The following WNT2 variants were observed in gnomAD, a reference collection of about 807,000 sequenced individuals.
WNT2 encodes the protein Wnt family member 2, also known as protein Wnt-2.
A neutral mutation model predicts 36.9 loss-of-function variants in WNT2; 12 were observed. The observed-to-expected ratio is 0.33, with a 90% CI of 0.21 to 0.53. The LOEUF is 0.53. Among genes scored for constraint, WNT2 ranks in the 20% least tolerant of loss-of-function variants. The pLI, the probability that WNT2 is intolerant of heterozygous loss-of-function variation, is 0.95. For missense variants in WNT2, 379 were observed against 473.1 expected (o/e 0.80, Z 1.84); for synonymous variants, 163 against 174.6 (o/e 0.93, Z 0.52).
At position 117,277,610 on chromosome 7, in the gene WNT2, C is replaced by T. The variant is rs928755355; in HGVS notation, c.*545G>A. On this transcript the variant is annotated 3_prime_UTR_variant, in exon 5 of 5. Coordinates refer to ENST00000265441, the MANE Select transcript of WNT2 (RefSeq NM_003391.3). ...AAAGCCATTCTTCTCCAGGTAATTA[C>T]CAATTACCCCTAAGGGTGGTAGCTG... is the stretch of plus-strand genomic sequence containing the variant. 1.3e-5 allele frequency: 2 copies of T among 155,258 alleles called. No individual in the cohort carries two copies. The highest frequency in any genetic ancestry group is 4.8e-5 in the African/African-American group (2 of 41,436). The allele number at this position is 155,258 out of a possible 1,614,324, so 9.6% of individuals were successfully genotyped here.
chr7:117,309,411 G>A (rs1450763450), intron 3 of WNT2, among the ~76,000 whole-genome samples: 2 of 152,002 alleles, frequency 1.3e-5, no homozygotes, highest in Admixed American at 6.6e-5. Flanking sequence ...ATAGTGAGTG[G>A]AACTAGAAAT....
chr7:117,278,354 T>G lies in WNT2; in HGVS notation c.884A>C (p.Asn295Thr), dbSNP rs1415652030. ...GSLGTAGRVC[N>T]LTSRGMDSCE... ...GCTGTCCATGCCCCGGGAAGTCAGG[T>G]TGCACACACGGCCTGCTGTACCCAG... Residue 295 changes from asparagine to threonine, a missense_variant, in exon 5 of 5, where the codon AAC becomes ACC. Transcript: ENST00000265441. 6.2e-7 allele frequency: 1 copy of G among 1,613,788 alleles called. No homozygotes were observed. Among genetic ancestry groups the G allele is most frequent in the African/African-American group, 1.3e-5 (1 of 74,882 alleles).
At chr7:117,289,100 C>T (rs1024184354) in intron 4 of WNT2, among the ~76,000 whole-genome samples, 3 of 121,990 alleles carry the variant, frequency 2.5e-5, no homozygotes, top group Non-Finnish European at 4.7e-5. Context: ...TGCTCTGTTG[C>T]TCAGGCTGGA....
At chr7:117,310,717 T>G (rs899994770) in intron 3 of WNT2, among the ~76,000 whole-genome samples, 1 of 152,096 alleles carries the variant, frequency 6.6e-6, no homozygotes, top group Non-Finnish European at 1.5e-5. Context: ...AACTTTATGA[T>G]ACACTTCCTG....
At chr7:117,321,636 T>G (rs1171207421) in intron 1 of WNT2, among the ~76,000 whole-genome samples, 2 of 152,202 alleles carry the variant, frequency 1.3e-5, no homozygotes, top group Non-Finnish European at 2.9e-5. Flanking sequence ...TTTTCTTGTA[T>G]TTTCATTATT....
rs913464659 is a variant in WNT2, at chr7:117,290,324, C to T, written c.853+7288G>A. On this transcript the variant is annotated intron_variant, in intron 4 of 4. Coordinates refer to ENST00000265441, the MANE Select transcript of WNT2 (RefSeq NM_003391.3). ...CTAGTTATTGGAGCAGGAGGAAAAG[C>T]AGAGGAGTGTAGTTATAAAGTCAAG... Among the ~76,000 whole-genome samples the T allele has an allele frequency of 4.8e-4, 73 of 152,074 alleles. 1 individual carries two copies. Among genetic ancestry groups the T allele is most frequent in the Non-Finnish European group, 1.0e-3 (70 of 68,020 alleles).
At chr7:117,285,947 T>C (rs2116332041) in intron 4 of WNT2, among the ~76,000 whole-genome samples, 1 of 152,294 alleles carries the variant, frequency 6.6e-6, no homozygotes, top group Middle Eastern at 3.4e-3. Flanking sequence ...GTCATCTTTA[T>C]ACCAAACAAT....
chr7:117,280,207 C>T (rs138082281), intron 4 of WNT2, among the ~76,000 whole-genome samples: 42 of 152,250 alleles, frequency 2.8e-4, no homozygotes, highest in Admixed American at 8.5e-4. Context: ...GAGCCTGCAT[C>T]GTGCTGAAGA....
chr7:117,291,846 C>T (rs775972158), intron 4 of WNT2, among the ~76,000 whole-genome samples: 6 of 151,324 alleles, frequency 4.0e-5, no homozygotes, highest in African/African-American at 1.2e-4. Flanking sequence ...GGTGTGATCT[C>T]GGCTCACCAC....
At chr7:117,302,573 A>G (rs1457854551) in intron 3 of WNT2, among the ~76,000 whole-genome samples, 1 of 152,208 alleles carries the variant, frequency 6.6e-6, no homozygotes, top group Non-Finnish European at 1.5e-5. Flanking sequence ...CACTCTGGAA[A>G]CATCTGCACA....
chr7:117,310,820 A>G (rs1184267195), intron 3 of WNT2, among the ~76,000 whole-genome samples: 2 of 151,898 alleles, frequency 1.3e-5, no homozygotes, highest in Admixed American at 1.3e-4. Context: ...CAGCTCAAAC[A>G]CCCAGTTCTT....
chr7:117,314,221 T>A (rs1351623288), intron 3 of WNT2, among the ~76,000 whole-genome samples: 1 of 152,242 alleles, frequency 6.6e-6, no homozygotes, highest in Non-Finnish European at 1.5e-5. Context: ...CACAAAAGCA[T>A]CAAGTACAGC....
At chr7:117,298,094 A>G (rs1335924911) in intron 3 of WNT2, among the ~76,000 whole-genome samples, 1 of 152,164 alleles carries the variant, frequency 6.6e-6, no homozygotes, top group East Asian at 1.9e-4. Flanking sequence ...GGGGAGGGAT[A>G]GCACCTAACT....
Position 117,322,855 on chromosome 7 carries a change from C to G in WNT2, c.83+52G>C. The stretch of plus-strand genomic sequence containing the variant: ...CCAGGAAGGGTCTATGTGGCCAATG[C>G]GGTCCCCATTCCGATCTCCAAAATC... On this transcript the variant is annotated intron_variant, in intron 1 of 4. Coordinates refer to ENST00000265441, the MANE Select transcript of WNT2 (RefSeq NM_003391.3). This position sits in a 1 kb window ranked among gnomAD's most constrained non-coding sequence, Gnocchi z 5.4. 1 of 1,574,550 alleles carries G rather than the reference C, an allele frequency of 6.4e-7. No homozygotes were observed. The highest frequency in any genetic ancestry group is 8.7e-7 in the Non-Finnish European group (1 of 1,148,942).
At chr7:117,313,196 G>C (rs1795154188) in intron 3 of WNT2, among the ~76,000 whole-genome samples, 1 of 152,126 alleles carries the variant, frequency 6.6e-6, no homozygotes, top group Non-Finnish European at 1.5e-5. Flanking sequence ...AGAGACTGGG[G>C]GTCTAATGAC....
At chr7:117,278,827 G>A (rs950356487) in intron 4 of WNT2, among the ~76,000 whole-genome samples, 4 of 152,168 alleles carry the variant, frequency 2.6e-5, no homozygotes, top group African/African-American at 7.2e-5. Flanking sequence ...CTTCAAATTT[G>A]TCAGGGCATG....
At chr7:117,290,771 G>A (rs1442892417) in intron 4 of WNT2, among the ~76,000 whole-genome samples, 1 of 152,196 alleles carries the variant, frequency 6.6e-6, no homozygotes, top group African/African-American at 2.4e-5. Context: ...GGACCATGAA[G>A]TCGATGACAC....
At chr7:117,283,248 C>A (rs937025964) in intron 4 of WNT2, among the ~76,000 whole-genome samples, 5 of 152,086 alleles carry the variant, frequency 3.3e-5, no homozygotes, top group Non-Finnish European at 7.4e-5. Context: ...TGAATGAGAC[C>A]CCCAGTGGGT....
rs187201273 is a variant in WNT2, at chr7:117,285,768, A to T, written c.854-7384T>A. The stretch of plus-strand genomic sequence containing the variant: ...ATGTTGGTTTATAATGTTATTTCTT[A>T]TTGCAGTTTGATTTACATAGTTCAC... On this transcript the variant is annotated intron_variant, in intron 4 of 4. Transcript: ENST00000265441. Among the ~76,000 whole-genome samples, 337 of 152,310 alleles carry T rather than the reference A, an allele frequency of 2.2e-3. 2 individuals carry two copies. The highest frequency in any genetic ancestry group is 7.7e-3 in the African/African-American group (319 of 41,572).
Sources: gnomAD v4.1 joint callset for allele counts (sites outside exome capture counted in the v4.1 genomes callset) on GRCh38, gnomAD v4.1.1 for gene constraint, Gnocchi (gnomAD v3.1) non-coding constraint, MANE v1.5 for transcripts, NCBI Gene and HGNC (gene_info 2026-07-23, HGNC 2026-07-21) for gene names.